The following THSD7A variants were observed in gnomAD, a reference collection of about 807,000 sequenced individuals.
THSD7A encodes the protein thrombospondin type 1 domain containing 7A, also known as thrombospondin type-1 domain-containing protein 7A.
THSD7A carries 96 observed loss-of-function variants against 231.3 expected under a neutral mutation model. The observed-to-expected ratio is 0.41, with a 90% confidence interval of 0.35 to 0.49. THSD7A has a LOEUF of 0.49. Among genes scored for constraint, THSD7A ranks in the 20% least tolerant of loss-of-function variants. The pLI, the probability that THSD7A is intolerant of heterozygous loss-of-function variation, is 0.05. For synonymous variants in THSD7A, 940 were observed against 743.3 expected (o/e 1.26, Z -4.30); for missense variants, 2,290 against 2,070.2 (o/e 1.11, Z -2.06).
chr7:11,786,206 C>T (rs540867325), intron 1 of THSD7A, among the ~76,000 whole-genome samples: 4 of 151,748 alleles, frequency 2.6e-5, no homozygotes, highest in Admixed American at 6.6e-5. Context: ...ACCTACTATA[C>T]GAAAACCATC....
At chr7:11,627,377 AATAT>A (rs1562780411) in intron 2 of THSD7A, among the ~76,000 whole-genome samples, 1 of 152,088 alleles carries the variant, frequency 6.6e-6, no homozygotes, top group Non-Finnish European at 1.5e-5. Context: ...AGCCTTACAT[AATAT>A]ACCTACATAT....
intron 1 of THSD7A, among the ~76,000 whole-genome samples, chr7:11,664,433 T>C (rs1783044458): frequency 6.6e-6 from 1 of 151,938 alleles, no homozygotes; most frequent in African/African-American, 2.4e-5. Flanking sequence ...AAAGAGAACA[T>C]ACCTCATAGG....
At chr7:11,740,243 G>A (rs779019323) in intron 1 of THSD7A, among the ~76,000 whole-genome samples, 1 of 151,986 alleles carries the variant, frequency 6.6e-6, no homozygotes, top group Non-Finnish European at 1.5e-5. Context: ...TAATTTGGAA[G>A]CCATGATGGC....
chr7:11,376,497 T>G, intron 27 of THSD7A, 73 bp downstream of exon 27: 1 of 1,161,104 alleles, frequency 8.6e-7, no homozygotes, highest in Non-Finnish European at 1.2e-6. Flanking sequence ...GAGTACTTAT[T>G]TGAGACATTA....
At chr7:11,705,194 T>C (rs1562490131) in intron 1 of THSD7A, among the ~76,000 whole-genome samples, 1 of 151,024 alleles carries the variant, frequency 6.6e-6, no homozygotes, top group African/African-American at 2.4e-5. Flanking sequence ...ATTTGACCTT[T>C]AAACCTCAAG....
chr7:11,598,858 T>C (rs1780456232), intron 2 of THSD7A, among the ~76,000 whole-genome samples: 1 of 152,122 alleles, frequency 6.6e-6, no homozygotes, highest in Non-Finnish European at 1.5e-5. Flanking sequence ...GAGACAGGAA[T>C]GCTGCCACCA....
At chr7:11,496,187 T>C (rs913360160) in intron 6 of THSD7A, among the ~76,000 whole-genome samples, 11 of 152,164 alleles carry the variant, frequency 7.2e-5, no homozygotes, top group Admixed American at 1.3e-4. Context: ...TTACAGGATT[T>C]AGCGGATATA....
intron 2 of THSD7A, among the ~76,000 whole-genome samples, chr7:11,610,820 A>G (rs1780897263): frequency 6.6e-6 from 1 of 152,180 alleles, no homozygotes; most frequent in African/African-American, 2.4e-5. Context: ...TGTTCAACTT[A>G]ATGGAAAAGT....
intron 16 of THSD7A, among the ~76,000 whole-genome samples, chr7:11,423,810 G>C (rs1390343824): frequency 6.6e-6 from 1 of 152,082 alleles, no homozygotes; most frequent in Non-Finnish European, 1.5e-5. Flanking sequence ...CAAAATGGAG[G>C]TGATAAAACC....
rs1784615162 is a variant in THSD7A at position 11,814,233 on chromosome 7, A to C, written c.190+17524T>G. On this transcript the variant is annotated intron_variant, in intron 1 of 27. Transcript: ENST00000423059. The surrounding 1 kb of genome is among the most constrained non-coding windows in gnomAD (Gnocchi z 5.1). ...TGCACAAGTCTGTGGATATGCTAAA[A>C]GCCATTGAATTGTATGCTTTAAATG... Among the ~76,000 whole-genome samples the C allele has an allele frequency of 1.3e-5, 2 of 152,168 alleles. No individual in the cohort carries two copies. Among genetic ancestry groups the C allele is most frequent in the African/African-American group, 2.4e-5 (1 of 41,448 alleles).
chr7:11,700,906 T>C (rs1039203022), intron 1 of THSD7A, among the ~76,000 whole-genome samples: 1 of 151,220 alleles, frequency 6.6e-6, no homozygotes, highest in African/African-American at 2.4e-5. Flanking sequence ...TAAATGTATA[T>C]CTTTGAATAG....
At chr7:11,546,197 C>CACGTGTGT (rs1789379509) in intron 4 of THSD7A, among the ~76,000 whole-genome samples, 2 of 78,422 alleles carry the variant, frequency 2.6e-5, no homozygotes, top group Admixed American at 1.5e-4. Flanking sequence ...CTGGTGTGGG[C>CACGTGTGT]GCGCGCTCAC....
At chr7:11,462,661 T>C (rs1004602021) in intron 9 of THSD7A, among the ~76,000 whole-genome samples, 1 of 152,156 alleles carries the variant, frequency 6.6e-6, no homozygotes, top group Admixed American at 6.5e-5. Flanking sequence ...ATTATTCATG[T>C]TAGACAGTCT....
rs755551327 is a variant in THSD7A at position 11,590,524 on chromosome 7, C to T, written c.1389G>A (p.Glu463=). The T allele has an allele frequency of 1.9e-6, 3 of 1,613,780 alleles. No homozygotes were observed. The highest frequency in any genetic ancestry group is 1.7e-5 in the Admixed American group (1 of 59,984). The change falls in exon 4 of 28, where the codon GAG becomes GAA. Residue 463 remains glutamate (E), a synonymous_variant. Transcript: ENST00000423059. The surrounding 1 kb of genome is among the most constrained non-coding windows in gnomAD (Gnocchi z 4.4). The stretch of plus-strand genomic sequence containing the variant: ...TTTCGTTGGCCTGCACGCAGTACAC[C>T]TCTCGGGTCTGGATGCCCCCTCCAC... ...ALCGGGIQTR[E]VYCVQANENL...
intron 4 of THSD7A, among the ~76,000 whole-genome samples, chr7:11,581,763 C>T (rs11976743): frequency 0.82 from 124,949 of 151,966 alleles, 51,980 homozygotes; most frequent in African/African-American, 0.94. Flanking sequence ...CAACCTCTTA[C>T]TCTCCTGAAT....
intron 13 of THSD7A, 97 bp downstream of exon 13, chr7:11,445,964 G>A (rs140188344): frequency 0.015 from 21,034 of 1,422,604 alleles, 193 homozygotes; most frequent in Middle Eastern, 0.018. Flanking sequence ...TAGAATATAC[G>A]TCTGTAAACC....
At chr7:11,649,557 G>C (rs1312370038) in intron 1 of THSD7A, among the ~76,000 whole-genome samples, 1 of 152,022 alleles carries the variant, frequency 6.6e-6, no homozygotes, top group Admixed American at 6.6e-5. Context: ...CAGCTGGAAG[G>C]ACGATGATGA....
At chr7:11,495,072 G>A (rs964469138) in intron 6 of THSD7A, among the ~76,000 whole-genome samples, 2 of 151,948 alleles carry the variant, frequency 1.3e-5, no homozygotes, top group Non-Finnish European at 2.9e-5. Flanking sequence ...TTTCAGTAAT[G>A]CTTTTATGGG....
chr7:11,683,724 G>T (rs1326544311), intron 1 of THSD7A, among the ~76,000 whole-genome samples: 1 of 151,790 alleles, frequency 6.6e-6, no homozygotes, highest in African/African-American at 2.4e-5. Context: ...AATTGAATGA[G>T]TGATAAAAAA....
Sources: allele counts gnomAD v4.1 joint callset (sites outside exome capture counted in the v4.1 genomes callset), GRCh38; gene constraint gnomAD v4.1.1; non-coding constraint Gnocchi (gnomAD v3.1); transcripts MANE v1.5; gene names NCBI Gene and HGNC (gene_info 2026-07-23, HGNC 2026-07-21).